The following DYNC1H1 variants were observed in gnomAD, a reference collection of about 807,000 sequenced individuals.
DYNC1H1 encodes dynein cytoplasmic 1 heavy chain 1, also known as cytoplasmic dynein 1 heavy chain 1.
In DYNC1H1, 51 loss-of-function variants were observed where a neutral mutation model predicts 527.1. That is an observed-to-expected ratio of 0.10 (90% CI 0.08 to 0.12). The LOEUF is 0.12. Ranked by LOEUF, DYNC1H1 falls within the 10% of genes least tolerant of loss-of-function variation. The pLI, the probability that DYNC1H1 is intolerant of heterozygous loss-of-function variation, is 1.00. For synonymous variants in DYNC1H1, 2,189 were observed against 2,278.8 expected (o/e 0.96, Z 1.12); for missense variants, 2,771 against 5,971.8 (o/e 0.46, Z 17.66).
In DYNC1H1 at chr14:102,017,321, C is replaced by T; in HGVS notation, c.8055+27C>T. 1 of 1,614,244 alleles carries T rather than the reference C, an allele frequency of 6.2e-7. No homozygotes were observed. The highest frequency in any genetic ancestry group is 8.5e-7 in the Non-Finnish European group (1 of 1,180,054). On this transcript the variant is annotated intron_variant, in intron 39 of 77. Transcript: ENST00000360184. This position sits in a 1 kb window ranked among gnomAD's most constrained non-coding sequence, Gnocchi z 4.6. ...TTTGTTTCTATCCACAAGGCCCTTC[C>T]TGCCCCACAATGTTTCTTGTTCAAG...
chr14:102,026,128 G>A (rs2048447886), intron 43 of DYNC1H1, among the ~76,000 whole-genome samples: 1 of 151,600 alleles, frequency 6.6e-6, no homozygotes, highest in African/African-American at 2.4e-5. Context: ...AAAAAAAATA[G>A]GGCAGGCCCT....
rs2047942856 is a variant in DYNC1H1, at chr14:101,986,804, G to C, written c.2538+41G>C. On this transcript the variant is annotated intron_variant, in intron 8 of 77. Coordinates refer to ENST00000360184, the MANE Select transcript of DYNC1H1 (RefSeq NM_001376.5). This position sits in a 1 kb window ranked among gnomAD's most constrained non-coding sequence, Gnocchi z 8.7. ...ATCCTCAGGTGTCCTGGTAACGAAT[G>C]AAGCACAGTAATAGCGAGCTCAGTT... 1.9e-6 allele frequency: 3 copies of C among 1,608,482 alleles called. No homozygotes were observed. In the African/African-American group the frequency reaches 4.0e-5, roughly 21 times the overall value.
Position 102,056,195 on chromosome 14 carries a change from A to G in DYNC1H1, c.*5632A>G, listed in dbSNP as rs958059360. 5 of 152,186 alleles carry G rather than the reference A, an allele frequency of 3.3e-5. No homozygotes were observed. The highest frequency in any genetic ancestry group is 6.5e-5 in the Admixed American group (1 of 15,280). The allele number at this position is 152,186 out of a possible 1,614,324, so 9.4% of individuals were successfully genotyped here. On this transcript the variant is annotated 3_prime_UTR_variant, in exon 78 of 78. Coordinates refer to ENST00000360184, the MANE Select transcript of DYNC1H1 (RefSeq NM_001376.5). ...CATGACTTAGAACCCGATGTTACCC[A>G]TAGATTTCAGGCATTGTATGGAAGA...
At chr14:101,996,505 C>T (rs148034225) in intron 15 of DYNC1H1, among the ~76,000 whole-genome samples, 3 of 152,252 alleles carry the variant, frequency 2.0e-5, no homozygotes, top group East Asian at 3.9e-4. Context: ...CGGGGCCATC[C>T]GGATGCAGTG....
rs776179822 is a variant in DYNC1H1 at position 102,001,253 on chromosome 14, G to A, written c.4294G>A (p.Gly1432Ser). The A allele has an allele frequency of 1.9e-6, 3 of 1,614,182 alleles. No homozygotes were observed. The highest frequency in any genetic ancestry group is 1.7e-6 in the Non-Finnish European group (2 of 1,180,042). ...VNWVVSELTL[G>S]QIWDVDLQKN... The stretch of plus-strand genomic sequence containing the variant: ...TTGGGTTGTTTCTGAGCTAACCCTT[G>A]GCCAAATCTGGGATGTTGACTTGCA... The change falls in exon 20 of 78, where the codon GGC becomes AGC. Residue 1432 changes from glycine to serine, a missense_variant. This residue lies in a region of DYNC1H1 where 223 missense variants were observed against 462.5 expected (regional missense o/e 0.48). Coordinates refer to ENST00000360184, the MANE Select transcript of DYNC1H1 (RefSeq NM_001376.5). The surrounding 1 kb of genome is among the most constrained non-coding windows in gnomAD (Gnocchi z 5.0).
chr14:101,973,811 A>G (rs916090230), intron 1 of DYNC1H1, among the ~76,000 whole-genome samples: 26 of 152,318 alleles, frequency 1.7e-4, no homozygotes, highest in African/African-American at 6.0e-4. Context: ...CTCTAAATAA[A>G]TAAATTAATT....
intron 64 of DYNC1H1, chr14:102,040,949 C>T: frequency 5.7e-6 from 3 of 524,532 alleles, no homozygotes; most frequent in Non-Finnish European, 1.0e-5. Flanking sequence ...CAGACAGAGG[C>T]CTGTCTGTGA....
At chr14:102,006,484 T>C (rs1378048670) in intron 27 of DYNC1H1, among the ~76,000 whole-genome samples, 3 of 151,988 alleles carry the variant, frequency 2.0e-5, no homozygotes, top group African/African-American at 4.8e-5. Flanking sequence ...CCCCTCACCT[T>C]GGCCTCCCAA....
At chr14:102,032,589 C>A in intron 52 of DYNC1H1, 122 bp downstream of exon 52, 1 of 1,277,256 alleles carries the variant, frequency 7.8e-7, no homozygotes, top group Non-Finnish European at 1.1e-6. Context: ...CAGTGGCTCA[C>A]GGCTCCAATC....
At chr14:101,987,402 A>T (rs2047948918) in intron 8 of DYNC1H1, 51 bp from the exon 9 acceptor site, 1 of 1,549,746 alleles carries the variant, frequency 6.5e-7, no homozygotes, top group Non-Finnish European at 8.8e-7. Context: ...GTGAGAATAA[A>T]GGAACAGAGT....
At chr14:101,998,873 CTTTTTCTTTTTTTT>C (rs1448961565) in intron 16 of DYNC1H1, among the ~76,000 whole-genome samples, 20 of 129,608 alleles carry the variant, frequency 1.5e-4, no homozygotes, top group African/African-American at 7.1e-4. Context: ...AGAGTTAAAA[CTTTTTCTTTTTTTT>C]TTTTTTTTTT....
rs1267888235 is a variant in DYNC1H1, at chr14:102,028,087, C to T, written c.9414C>T (p.Ser3138=). 5.6e-6 allele frequency: 9 copies of T among 1,614,058 alleles called. No individual in the cohort carries two copies. Among genetic ancestry groups the T allele is most frequent in the African/African-American group, 1.3e-5 (1 of 74,926 alleles). Residue 3138 remains serine (S), a synonymous_variant, in exon 48 of 78, where the codon TCC becomes TCT. Coordinates refer to ENST00000360184, the MANE Select transcript of DYNC1H1 (RefSeq NM_001376.5). ...VVYDKLPQPP[S]HREAIVNSCV... The stretch of plus-strand genomic sequence containing the variant: ...ATGATAAGCTGCCGCAGCCACCATC[C>T]CATCGGGAAGCCATTGTGAACAGCT...
In DYNC1H1 at chr14:102,036,665, T is replaced by C. The variant is rs1229566184; in HGVS notation, c.10908+23T>C. 2.5e-6 allele frequency: 4 copies of C among 1,613,914 alleles called. No homozygotes were observed. The highest frequency in any genetic ancestry group is 2.2e-5 in the East Asian group (1 of 44,878). Reference sequence around the variant, plus strand: ...CAGGTTGGTGTTGGCCTTTGAATTCTTGAAACACTGCATTCAAGAGTGAAT... The same window carrying C: ...CAGGTTGGTGTTGGCCTTTGAATTCCTGAAACACTGCATTCAAGAGTGAAT... On this transcript the variant is annotated intron_variant, in intron 57 of 77. Transcript: ENST00000360184. This position sits in a 1 kb window ranked among gnomAD's most constrained non-coding sequence, Gnocchi z 5.6.
Position 101,997,248 on chromosome 14 carries a change from G to A in DYNC1H1, c.3778G>A (p.Asp1260Asn), listed in dbSNP as rs1190011519. Residue 1260 changes from aspartate to asparagine, a missense_variant, in exon 16 of 78, where the codon GAC becomes AAC. Physicochemically the swap from Asp to Asn is conservative, Grantham distance 23. Coordinates refer to ENST00000360184, the MANE Select transcript of DYNC1H1 (RefSeq NM_001376.5). The surrounding 1 kb of genome is among the most constrained non-coding windows in gnomAD (Gnocchi z 4.8). ...VESRTTDLLT[D>N]WEKTKPVTGN... ...AAGCCGCACCACCGACCTGCTGACT[G>A]ACTGGGAGAAGACCAAGCCTGTCAC... The A allele has an allele frequency of 6.2e-7, 1 of 1,613,980 alleles. No individual in the cohort carries two copies. Among genetic ancestry groups the A allele is most frequent in the Non-Finnish European group, 8.5e-7 (1 of 1,180,024 alleles).
chr14:102,027,085 G>C lies in DYNC1H1; in HGVS notation c.8772-89G>C, dbSNP rs2048459406. 26 of 1,410,564 alleles carry C rather than the reference G, an allele frequency of 1.8e-5. No individual in the cohort carries two copies. The highest frequency in any genetic ancestry group is 2.6e-5 in the Non-Finnish European group (26 of 996,224). 87.4% of individuals were successfully genotyped at this position (1,410,564 alleles called of 1,614,324 possible). A position where few individuals can be genotyped will look rare whatever the true frequency, so the allele number is the denominator to read the frequency against. ...AATATACAAGTTCAAGTTAAAACAT[G>C]TCCAAAATACTGTAGACACTAGATA... On this transcript the variant is annotated intron_variant, in intron 44 of 77. Transcript: ENST00000360184. This position sits in a 1 kb window ranked among gnomAD's most constrained non-coding sequence, Gnocchi z 7.7.
rs767979593 is a variant in DYNC1H1, at chr14:102,036,062, G to A, written c.10755-427G>A. The A allele has an allele frequency of 2.5e-5, 6 of 235,848 alleles. No homozygotes were observed. The highest frequency in any genetic ancestry group is 1.1e-4 in the East Asian group (1 of 9,516). 14.6% of individuals were successfully genotyped at this position (235,848 alleles called of 1,614,324 possible). A position where few individuals can be genotyped will look rare whatever the true frequency, so the allele number is the denominator to read the frequency against. On this transcript the variant is annotated intron_variant, in intron 56 of 77. Coordinates refer to ENST00000360184, the MANE Select transcript of DYNC1H1 (RefSeq NM_001376.5). The surrounding 1 kb of genome is among the most constrained non-coding windows in gnomAD (Gnocchi z 5.6). ...AGGGCTGTTATGAGGATTACGTGACGTAGTGTCTGTAATTTGACACGGTCC... is the reference window on the plus strand; with the variant it reads ...AGGGCTGTTATGAGGATTACGTGACATAGTGTCTGTAATTTGACACGGTCC...
Position 102,036,798 on chromosome 14 carries a change from T to A in DYNC1H1, c.10908+156T>A. The A allele has an allele frequency of 1.9e-6, 2 of 1,061,568 alleles. No individual in the cohort carries two copies. Among genetic ancestry groups the A allele is most frequent in the Non-Finnish European group, 2.8e-6 (2 of 709,870 alleles). 65.8% of individuals were successfully genotyped at this position (1,061,568 alleles called of 1,614,324 possible). ...TAATAGATAAATTCAACAGAATCAT[T>A]ATTTGCATTTAAAATTCTATTCAGT... On this transcript the variant is annotated intron_variant, in intron 57 of 77. Transcript: ENST00000360184. The surrounding 1 kb of genome is among the most constrained non-coding windows in gnomAD (Gnocchi z 5.6).
chr14:102,041,455 T>C lies in DYNC1H1; in HGVS notation c.11942-119T>C, dbSNP rs2048648297. On this transcript the variant is annotated intron_variant, in intron 64 of 77. Coordinates refer to ENST00000360184, the MANE Select transcript of DYNC1H1 (RefSeq NM_001376.5). The surrounding 1 kb of genome is among the most constrained non-coding windows in gnomAD (Gnocchi z 4.5). ...TGTGGCTGAATTTCCTGATTTGAGC[T>C]GATCCTGAAATGCTGAGCATTTGCT... 5.2e-6 allele frequency: 8 copies of C among 1,528,888 alleles called. No homozygotes were observed. The highest frequency in any genetic ancestry group is 7.2e-6 in the Non-Finnish European group (8 of 1,110,852). The allele number at this position is 1,528,888 out of a possible 1,614,324, so 94.7% of individuals were successfully genotyped here. A position where few individuals can be genotyped will look rare whatever the true frequency, so the allele number is the denominator to read the frequency against.
At chr14:101,990,758 C>CCA (rs2047987943) in intron 10 of DYNC1H1, among the ~76,000 whole-genome samples, 1 of 152,028 alleles carries the variant, frequency 6.6e-6, no homozygotes, top group African/African-American at 2.4e-5. Context: ...TGCCTGTAAT[C>CCA]CCAGCACTTT....
Sources: allele counts gnomAD v4.1 joint callset (sites outside exome capture counted in the v4.1 genomes callset), GRCh38; gene constraint gnomAD v4.1.1; regional missense constraint gnomAD v4.1.1; non-coding constraint Gnocchi (gnomAD v3.1); transcripts MANE v1.5; gene names NCBI Gene and HGNC (gene_info 2026-07-23, HGNC 2026-07-21).